Variants in YWHAG observed in about 807,000 individuals in gnomAD.
YWHAG encodes the protein tyrosine 3-monooxygenase/tryptophan 5-monooxygenase activation protein gamma, also known as 14-3-3 protein gamma.
In YWHAG, 1 loss-of-function variant was observed where a neutral mutation model predicts 23.3. That is an observed-to-expected ratio of 0.04 (90% confidence interval 0.02 to 0.20). The LOEUF (loss-of-function observed/expected upper bound fraction) is 0.20, where lower values mean the gene tolerates loss of function less well. Ranked by LOEUF, YWHAG falls within the 10% of genes least tolerant of loss-of-function variation. The pLI is 1.00. For synonymous variants in YWHAG, 160 were observed against 144.0 expected (o/e 1.11, Z -0.80); for missense variants, 151 against 338.6 (o/e 0.45, Z 4.35).
chr7:76,332,547 G>A (rs1260350613), intron 1 of YWHAG, among the ~76,000 whole-genome samples: 1 of 152,072 alleles, frequency 6.6e-6, no homozygotes, highest in Admixed American at 6.6e-5. Flanking sequence ...TTGAGACATG[G>A]TCTTACTCTG....
chr7:76,341,038 C>T (rs1300451806), intron 1 of YWHAG, among the ~76,000 whole-genome samples: 1 of 152,088 alleles, frequency 6.6e-6, no homozygotes, highest in Non-Finnish European at 1.5e-5. Flanking sequence ...CAAAGTGATC[C>T]TCCCGCCCCT....
chr7:76,354,058 C>CAAAAA (rs750620902), intron 1 of YWHAG, among the ~76,000 whole-genome samples: 12 of 49,158 alleles, frequency 2.4e-4, no homozygotes, highest in African/African-American at 3.6e-4. Flanking sequence ...GACCTTGCCT[C>CAAAAA]AAAAAAAAAA....
Position 76,328,599 on chromosome 7 carries a change from C to A in YWHAG, c.*978G>T, listed in dbSNP as rs780633654. ...CCAGCACGAGGCGCAGTAGGAAACGCCCCAGTGCAGAGTGGGTGACGGCAG... is the reference window on the plus strand; with the variant it reads ...CCAGCACGAGGCGCAGTAGGAAACGACCCAGTGCAGAGTGGGTGACGGCAG... On this transcript the variant is annotated 3_prime_UTR_variant, in exon 2 of 2. Transcript: ENST00000307630. 6.6e-6 allele frequency: 1 copy of A among 152,210 alleles called. No homozygotes were observed. The highest frequency in any genetic ancestry group is 1.5e-5 in the Non-Finnish European group (1 of 68,064). 9.4% of individuals were successfully genotyped at this position (152,210 alleles called of 1,614,324 possible). A position where few individuals can be genotyped will look rare whatever the true frequency, so the allele number is the denominator to read the frequency against.
At chr7:76,340,980 T>C (rs1803684686) in intron 1 of YWHAG, among the ~76,000 whole-genome samples, 2 of 152,200 alleles carry the variant, frequency 1.3e-5, no homozygotes, top group Admixed American at 1.3e-4. Flanking sequence ...GCAATCCTTC[T>C]GCCTGAGCCT....
chr7:76,329,679 G>A lies in YWHAG; in HGVS notation c.642C>T (p.Asp214=), dbSNP rs754472017. Residue 214 remains aspartate (D), a synonymous_variant, in exon 2 of 2, where the codon GAC becomes GAT. Transcript: ENST00000307630. The surrounding 1 kb of genome is among the most constrained non-coding windows in gnomAD (Gnocchi z 6.1). ...AIAELDTLNE[D]SYKDSTLIMQ... ...TGATGAGCGTGGAGTCCTTGTAGGAGTCCTCGTTGAGGGTGTCAAGCTCGG... is the reference window on the plus strand; with the variant it reads ...TGATGAGCGTGGAGTCCTTGTAGGAATCCTCGTTGAGGGTGTCAAGCTCGG... 3.7e-6 allele frequency: 6 copies of A among 1,614,258 alleles called. No individual in the cohort carries two copies. The highest frequency in any genetic ancestry group is 5.1e-6 in the Non-Finnish European group (6 of 1,180,054).
At position 76,339,551 on chromosome 7, in the gene YWHAG, C is replaced by T. The variant is rs1009040110; in HGVS notation, c.88-9318G>A. Among the ~76,000 whole-genome samples the T allele has an allele frequency of 8.5e-5, 13 of 152,098 alleles. No individual in the cohort carries two copies. The East Asian group carries it at 1.3e-3, about 16-fold the overall frequency. ...ATGAAGAACAAAGGATACCTTTATA[C>T]GGTTAGTAATAACATACAGAATACA... On this transcript the variant is annotated intron_variant, in intron 1 of 1. Transcript: ENST00000307630.
rs1283642991 is a variant in YWHAG, at chr7:76,327,160, G to T, written c.*2417C>A. ...TGTCACTATAGCAACATCCAAAACA[G>T]ATCAATTTGTTACAATCACTATTTG... On this transcript the variant is annotated 3_prime_UTR_variant, in exon 2 of 2. Coordinates refer to ENST00000307630, the MANE Select transcript of YWHAG (RefSeq NM_012479.4). The T allele has an allele frequency of 1.3e-5, 2 of 150,886 alleles. No homozygotes were observed. Among genetic ancestry groups the T allele is most frequent in the African/African-American group, 4.9e-5 (2 of 40,856 alleles). 9.3% of individuals were successfully genotyped at this position (150,886 alleles called of 1,614,324 possible). A position where few individuals can be genotyped will look rare whatever the true frequency, so the allele number is the denominator to read the frequency against.
intron 1 of YWHAG, among the ~76,000 whole-genome samples, chr7:76,337,376 C>G (rs1353372414): frequency 1.3e-5 from 2 of 152,154 alleles, no homozygotes; most frequent in Non-Finnish European, 2.9e-5. Flanking sequence ...CAGCCCCCAG[C>G]TGCTCTCTAA....
chr7:76,358,699 G>A, intron 1 of YWHAG, 23 bp downstream of exon 1: 1 of 1,548,254 alleles, frequency 6.5e-7, no homozygotes, highest in Admixed American at 1.8e-5. Context: ...AGGGAGCGGC[G>A]GGGGAGGGGA....
At chr7:76,351,533 G>C (rs546081400) in intron 1 of YWHAG, among the ~76,000 whole-genome samples, 1 of 152,308 alleles carries the variant, frequency 6.6e-6, no homozygotes, top group Admixed American at 6.5e-5. Context: ...CACGAACCTG[G>C]CTGCAGAGCA....
chr7:76,342,749 G>A (rs772378584), intron 1 of YWHAG, among the ~76,000 whole-genome samples: 2 of 152,110 alleles, frequency 1.3e-5, no homozygotes, highest in African/African-American at 2.4e-5. Context: ...AAACAAACTA[G>A]TGACTATTTC....
chr7:76,336,435 C>A (rs1803616164), intron 1 of YWHAG, among the ~76,000 whole-genome samples: 1 of 148,662 alleles, frequency 6.7e-6, no homozygotes, highest in African/African-American at 2.5e-5. Context: ...TCCAAAACTG[C>A]TCTAAGAAAG....
At chr7:76,336,519 G>T (rs954271052) in intron 1 of YWHAG, among the ~76,000 whole-genome samples, 1 of 143,334 alleles carries the variant, frequency 7.0e-6, no homozygotes, top group East Asian at 2.1e-4. Context: ...GTGATGGCAC[G>T]ATCTAGGCTC....
chr7:76,347,706 A>C (rs1340188481), intron 1 of YWHAG, among the ~76,000 whole-genome samples: 4 of 152,236 alleles, frequency 2.6e-5, no homozygotes, highest in Non-Finnish European at 4.4e-5. Flanking sequence ...AACATGCTCC[A>C]AACTCCAGTT....
At chr7:76,351,491 T>C (rs1563667968) in intron 1 of YWHAG, among the ~76,000 whole-genome samples, 1 of 152,200 alleles carries the variant, frequency 6.6e-6, no homozygotes, top group African/African-American at 2.4e-5. Context: ...CTATTCTCTA[T>C]AGTAGGGGTC....
chr7:76,353,414 T>C (rs192850979), intron 1 of YWHAG, among the ~76,000 whole-genome samples: 20 of 152,232 alleles, frequency 1.3e-4, no homozygotes, highest in Admixed American at 1.2e-3. Flanking sequence ...AGTTTCACCA[T>C]GTTGGTCAGG....
At position 76,358,805 on chromosome 7, in the gene YWHAG, C is replaced by A. The variant is rs2115667231; in HGVS notation, c.4G>T (p.Val2Leu). Reference sequence around the variant, plus strand: ...TTCTGCACCAGTTGCTCGCGGTCCACCATCTTCGCGGGGCTGGGTCTGGCC... The same window carrying A: ...TTCTGCACCAGTTGCTCGCGGTCCAACATCTTCGCGGGGCTGGGTCTGGCC... M[V>L]DREQLVQKAR... The change falls in exon 1 of 2, where the codon GTG becomes TTG. Residue 2 changes from valine to leucine, a missense_variant. Val to Leu is a conservative substitution (Grantham distance 32). Transcript: ENST00000307630. 1 of 1,593,072 alleles carries A rather than the reference C, an allele frequency of 6.3e-7. No homozygotes were observed. Among genetic ancestry groups the A allele is most frequent in the East Asian group, 2.4e-5 (1 of 42,434 alleles).
At position 76,327,688 on chromosome 7, in the gene YWHAG, C is replaced by CCCCCCCCCCT. The variant is rs1563660690; in HGVS notation, c.*1888_*1889insAGGGGGGGGG. On this transcript the variant is annotated 3_prime_UTR_variant, in exon 2 of 2. Coordinates refer to ENST00000307630, the MANE Select transcript of YWHAG (RefSeq NM_012479.4). ...ACCCTGCCCCCCCCCCCCTCCCCCC[C>CCCCCCCCCCT]CAAATCGTCTTCCTCCCATGGCAAT... The CCCCCCCCCCT allele has an allele frequency of 8.4e-6, 1 of 118,512 alleles. No individual in the cohort carries two copies. The allele number at this position is 118,512 out of a possible 1,614,324, so 7.3% of individuals were successfully genotyped here. A position where few individuals can be genotyped will look rare whatever the true frequency, so the allele number is the denominator to read the frequency against.
chr7:76,356,587 T>C (rs1803964155), intron 1 of YWHAG, among the ~76,000 whole-genome samples: 1 of 152,190 alleles, frequency 6.6e-6, no homozygotes, highest in Non-Finnish European at 1.5e-5. Context: ...CAAGTATACA[T>C]CCCATCTGTG....
Sources: gnomAD v4.1 joint callset for allele counts (sites outside exome capture counted in the v4.1 genomes callset) on GRCh38, gnomAD v4.1.1 for gene constraint, Gnocchi (gnomAD v3.1) non-coding constraint, MANE v1.5 for transcripts, NCBI Gene and HGNC (gene_info 2026-07-23, HGNC 2026-07-21) for gene names.